Variants in ASPRV1 observed in about 807,000 individuals in gnomAD.
ASPRV1 encodes retroviral-like aspartic protease 1.
In ASPRV1, 7 loss-of-function variants were observed where a neutral mutation model predicts 11.0. The observed-to-expected ratio is 0.64, with a 90% CI of 0.36 to 1.20. The LOEUF (loss-of-function observed/expected upper bound fraction) is 1.20, where lower values mean the gene tolerates loss of function less well. Ranked by LOEUF, ASPRV1 falls within the 50% of genes most tolerant of loss-of-function variation. The probability of loss-of-function intolerance (pLI) is 0.02; values close to 1 mark genes in which losing one functional copy is unlikely to be tolerated. For synonymous variants in ASPRV1, 136 were observed against 138.4 expected (o/e 0.98, Z 0.12); for missense variants, 299 against 320.0 (o/e 0.93, Z 0.50).
the ASPRV1 span, among the ~76,000 whole-genome samples, chr2:70,005,468 A>AAATGTATTT: frequency 2.0e-5 from 3 of 152,194 alleles, no homozygotes; most frequent in Non-Finnish European, 4.4e-5. Context: ...TATTTGTCTT[A>AAATGTATTT]AATGTATTTA....
chr2:69,968,293 G>A, the ASPRV1 span: 13 of 152,144 alleles, frequency 8.5e-5, no homozygotes, highest in African/African-American at 3.1e-4. Flanking sequence ...AGCACTTTGG[G>A]AGGCCAAGGT....
the ASPRV1 span, among the ~76,000 whole-genome samples, chr2:70,003,662 TGA>T: frequency 6.6e-6 from 1 of 152,138 alleles, no homozygotes; most frequent in Non-Finnish European, 1.5e-5. Flanking sequence ...CCTTGGGTGT[TGA>T]GAGAGCCCAG....
chr2:70,069,946 G>C, the ASPRV1 span, among the ~76,000 whole-genome samples: 1 of 152,026 alleles, frequency 6.6e-6, no homozygotes, highest in African/African-American at 2.4e-5. Flanking sequence ...GGCTCATCAA[G>C]TGCCAACAAG....
the ASPRV1 span, among the ~76,000 whole-genome samples, chr2:70,035,816 C>T: frequency 1.1e-4 from 17 of 151,652 alleles, no homozygotes; most frequent in East Asian, 3.3e-3. Context: ...AGCAAATACA[C>T]AAGTGGAGGT....
the ASPRV1 span, among the ~76,000 whole-genome samples, chr2:70,004,056 T>C: frequency 6.6e-6 from 1 of 152,222 alleles, no homozygotes; most frequent in African/African-American, 2.4e-5. Flanking sequence ...TACAGGGTGT[T>C]TGAGAGGAAT....
chr2:70,068,793 A>C, the ASPRV1 span, among the ~76,000 whole-genome samples: 100 of 151,838 alleles, frequency 6.6e-4, no homozygotes, highest in African/African-American at 2.4e-3. Context: ...AAAAATAACA[A>C]AATTAGCCAG....
At chr2:69,950,390 T>C in the ASPRV1 span, among the ~76,000 whole-genome samples, 8 of 152,368 alleles carry the variant, frequency 5.3e-5, no homozygotes, top group Admixed American at 5.2e-4. Context: ...TGTTTGAGAA[T>C]ACTACACAAA....
chr2:70,023,673 C>CA, the ASPRV1 span, among the ~76,000 whole-genome samples: 31,526 of 125,418 alleles, frequency 0.25, 5,757 homozygotes, highest in African/African-American at 0.5. Flanking sequence ...GACTCTGTCT[C>CA]AAAAAAAAAA....
At chr2:69,954,638 TG>T in the ASPRV1 span, among the ~76,000 whole-genome samples, 2 of 152,202 alleles carry the variant, frequency 1.3e-5, no homozygotes, top group Admixed American at 1.3e-4. Context: ...GGCTTGTCCT[TG>T]CCTCCCTGTT....
At chr2:69,938,328 G>C in the ASPRV1 span, 1 of 1,599,356 alleles carries the variant, frequency 6.3e-7, no homozygotes, top group Non-Finnish European at 8.5e-7. Flanking sequence ...TCTCCCTGTT[G>C]GTTCTGATTA....
the ASPRV1 span, among the ~76,000 whole-genome samples, chr2:69,970,026 C>T: frequency 6.6e-6 from 1 of 152,156 alleles, no homozygotes; most frequent in African/African-American, 2.4e-5. Context: ...GCCACCACAC[C>T]TGGCTCTCTG....
At chr2:69,935,602 A>C in the ASPRV1 span, 1 of 649,898 alleles carries the variant, frequency 1.5e-6, no homozygotes, top group South Asian at 1.8e-5. Flanking sequence ...CCTCAAATGC[A>C]ACATATTCAA....
chr2:70,065,916 G>A, the ASPRV1 span, among the ~76,000 whole-genome samples: 2 of 150,840 alleles, frequency 1.3e-5, no homozygotes, highest in African/African-American at 2.4e-5. Context: ...GTCATTAAAA[G>A]CTCAATGGAG....
At chr2:70,031,740 G>A in the ASPRV1 span, 2 of 152,212 alleles carry the variant, frequency 1.3e-5, no homozygotes, top group African/African-American at 4.8e-5. Context: ...ATGATGAAAT[G>A]TTCAGGGTTA....
chr2:69,973,338 C>A, the ASPRV1 span, among the ~76,000 whole-genome samples: 4 of 151,600 alleles, frequency 2.6e-5, no homozygotes, highest in African/African-American at 9.7e-5. Context: ...TACCAACTAG[C>A]AAGAAAAAAG....
At chr2:70,007,156 G>A in the ASPRV1 span, among the ~76,000 whole-genome samples, 1 of 152,210 alleles carries the variant, frequency 6.6e-6, no homozygotes, top group Non-Finnish European at 1.5e-5. Context: ...CCAATCATTG[G>A]TTAAATACAT....
the ASPRV1 span, chr2:69,988,742 G>A: frequency 2.6e-5 from 12 of 455,700 alleles, no homozygotes; most frequent in East Asian, 2.1e-4. Flanking sequence ...TGGAACTTAC[G>A]TTCTTCTGAG....
chr2:70,058,882 C>CCTT, the ASPRV1 span, among the ~76,000 whole-genome samples: 1 of 102,258 alleles, frequency 9.8e-6, no homozygotes. Flanking sequence ...TATTACCCAA[C>CCTT]TTTTTTTTTT....
the ASPRV1 span, chr2:70,063,837 T>A: frequency 6.6e-6 from 1 of 152,186 alleles, no homozygotes. Flanking sequence ...ATTTAAGTAA[T>A]CCCCAAGATT....
Sources: gnomAD v4.1 joint callset for allele counts (sites outside exome capture counted in the v4.1 genomes callset) on GRCh38, gnomAD v4.1.1 for gene constraint, MANE v1.5 for transcripts, NCBI Gene and HGNC (gene_info 2026-07-23, HGNC 2026-07-21) for gene names.